Variants in PTPRM observed in about 807,000 individuals in gnomAD.
The protein encoded by PTPRM is receptor-type tyrosine-protein phosphatase mu.
Under a neutral mutation model 186.7 loss-of-function variants are expected in PTPRM, and 47 were observed. The ratio of observed to expected loss-of-function variants is 0.25; its 90% CI spans 0.20 to 0.32. The LOEUF is 0.32. Ranked by LOEUF, PTPRM falls within the 10% of genes least tolerant of loss-of-function variation. PTPRM has a pLI of 1.00. For missense variants in PTPRM, 1,494 were observed against 1,865.0 expected (o/e 0.80, Z 3.66); for synonymous variants, 668 against 674.9 (o/e 0.99, Z 0.16).
chr18:8,092,569 G>T (rs1418982995), intron 11 of PTPRM, among the ~76,000 whole-genome samples: 1 of 152,056 alleles, frequency 6.6e-6, no homozygotes, highest in Non-Finnish European at 1.5e-5. Context: ...GATGCACAGT[G>T]CCCCTGGCAA....
intron 7 of PTPRM, among the ~76,000 whole-genome samples, chr18:8,050,149 G>T (rs2087374633): frequency 6.6e-6 from 1 of 152,224 alleles, no homozygotes; most frequent in Non-Finnish European, 1.5e-5. Flanking sequence ...GGATCAGTCT[G>T]AACAGAGATA....
At chr18:8,368,101 A>G (rs2095643034) in intron 23 of PTPRM, among the ~76,000 whole-genome samples, 1 of 151,774 alleles carries the variant, frequency 6.6e-6, no homozygotes, top group South Asian at 2.1e-4. Flanking sequence ...TATACCATAT[A>G]TGTAGTTTTA....
chr18:8,139,340 T>C, intron 13 of PTPRM, among the ~76,000 whole-genome samples: 1 of 152,224 alleles, frequency 6.6e-6, no homozygotes, highest in Non-Finnish European at 1.5e-5. Flanking sequence ...TCAAGTTTGA[T>C]GGCATCTTGC....
At chr18:8,012,757 A>G (rs1028425063) in intron 7 of PTPRM, among the ~76,000 whole-genome samples, 1 of 152,216 alleles carries the variant, frequency 6.6e-6, no homozygotes, top group Non-Finnish European at 1.5e-5. Flanking sequence ...ACATGTCTGT[A>G]TATTATCTTT....
intron 1 of PTPRM, among the ~76,000 whole-genome samples, chr18:7,627,279 G>A (rs1343880722): frequency 6.6e-6 from 1 of 152,106 alleles, no homozygotes; most frequent in African/African-American, 2.4e-5. Flanking sequence ...TTGGGCCTCC[G>A]GATATGGGCC....
At chr18:7,894,527 A>G (rs1224238603) in intron 3 of PTPRM, among the ~76,000 whole-genome samples, 2 of 152,056 alleles carry the variant, frequency 1.3e-5, no homozygotes, top group African/African-American at 4.8e-5. Flanking sequence ...CAGAGCTTGC[A>G]GTGAGCCGAG....
rs1349129636 is a variant in PTPRM at position 8,128,531 on chromosome 18, T to TG, written c.2167+13704_2167+13705insG. Reference sequence around the variant, plus strand: ...TTCTGCAATACCAGCTGACTGCATTTTAATGGGCTATAGTGTCACTGTTGA... The same window carrying TG: ...TTCTGCAATACCAGCTGACTGCATTTGTAATGGGCTATAGTGTCACTGTTGA... On this transcript the variant is annotated intron_variant, in intron 13 of 32. Coordinates refer to ENST00000580170, the MANE Select transcript of PTPRM (RefSeq NM_001105244.2). Among the ~76,000 whole-genome samples the TG allele has an allele frequency of 3.3e-5, 5 of 152,206 alleles. No individual in the cohort carries two copies. The South Asian group carries it at 1.0e-3, about 31-fold the overall frequency.
chr18:7,781,686 G>A (rs181754519), intron 2 of PTPRM, among the ~76,000 whole-genome samples: 5 of 152,096 alleles, frequency 3.3e-5, no homozygotes, highest in Non-Finnish European at 7.4e-5. Flanking sequence ...TATCTGGATG[G>A]TAGGATTTGA....
intron 7 of PTPRM, among the ~76,000 whole-genome samples, chr18:8,056,970 A>C (rs1485606257): frequency 1.3e-5 from 2 of 152,078 alleles, no homozygotes; most frequent in African/African-American, 4.8e-5. Flanking sequence ...TTCTGCAGTA[A>C]GGGAATGGAT....
At chr18:8,038,694 C>T (rs1421844699) in intron 7 of PTPRM, among the ~76,000 whole-genome samples, 1 of 152,048 alleles carries the variant, frequency 6.6e-6, no homozygotes, top group Non-Finnish European at 1.5e-5. Context: ...GCCTTGCCAG[C>T]TTTTTAGGTT....
chr18:8,038,380 A>AT (rs10708528), intron 7 of PTPRM, among the ~76,000 whole-genome samples: 50,065 of 124,328 alleles, frequency 0.4, 10,608 homozygotes, highest in Non-Finnish European at 0.47. Context: ...TAGCTTTTAG[A>AT]TTTTTTTTTT....
chr18:8,143,442 T>C (rs776352371), intron 13 of PTPRM, among the ~76,000 whole-genome samples: 2 of 152,190 alleles, frequency 1.3e-5, no homozygotes, highest in East Asian at 1.9e-4. Flanking sequence ...AGCTTGTATA[T>C]GGTTTAGTAA....
intron 21 of PTPRM, among the ~76,000 whole-genome samples, chr18:8,317,036 G>A: frequency 6.6e-6 from 1 of 152,158 alleles, no homozygotes; most frequent in East Asian, 1.9e-4. Flanking sequence ...GGCCAGGTCA[G>A]GTCCACAGTT....
rs1163936107 is a variant in PTPRM, at chr18:8,372,197, G to A, written c.3171+1191G>A. ...CGCCATTCTCCTGCCTCAGCCTCCC[G>A]AGTAGCTGGGACTACAGGCGCCCGC... is the stretch of plus-strand genomic sequence containing the variant. On this transcript the variant is annotated intron_variant, in intron 24 of 32. Coordinates refer to ENST00000580170, the MANE Select transcript of PTPRM (RefSeq NM_001105244.2). 8.9e-5 allele frequency among the ~76,000 whole-genome samples: 13 copies of A among 145,364 alleles called. No individual in the cohort carries two copies. In the East Asian group the frequency reaches 1.2e-3, roughly 13 times the overall value.
chr18:8,073,015 CACCAGT>C (rs3080527), intron 8 of PTPRM, among the ~76,000 whole-genome samples: 84,638 of 151,224 alleles, frequency 0.56, 24,019 homozygotes, highest in Non-Finnish European at 0.62. Context: ...ACAGGGTCAC[CACCAGT>C]ACATTCTAAT....
intron 14 of PTPRM, among the ~76,000 whole-genome samples, chr18:8,160,479 G>A (rs953136637): frequency 1.3e-5 from 2 of 152,036 alleles, no homozygotes; most frequent in African/African-American, 4.8e-5. Flanking sequence ...TGTTGTTGTA[G>A]AGACAGGGTG....
intron 1 of PTPRM, among the ~76,000 whole-genome samples, chr18:7,703,813 C>T (rs1027372464): frequency 1.3e-5 from 2 of 152,062 alleles, no homozygotes; most frequent in African/African-American, 4.8e-5. Flanking sequence ...GTGGGTTTGT[C>T]ATAAATAACT....
chr18:8,170,349 G>C (rs191902569), intron 14 of PTPRM, among the ~76,000 whole-genome samples: 1 of 152,096 alleles, frequency 6.6e-6, no homozygotes, highest in African/African-American at 2.4e-5. Flanking sequence ...TGTGCTGGCC[G>C]CACAGTTATA....
chr18:7,797,453 G>A (rs1020668548), intron 2 of PTPRM, among the ~76,000 whole-genome samples: 2 of 152,192 alleles, frequency 1.3e-5, no homozygotes, highest in Non-Finnish European at 2.9e-5. Context: ...TCCACTCAGA[G>A]TAGCCTCATC....
Sources: allele counts gnomAD v4.1 joint callset (sites outside exome capture counted in the v4.1 genomes callset), GRCh38; gene constraint gnomAD v4.1.1; transcripts MANE v1.5; gene names NCBI Gene and HGNC (gene_info 2026-07-23, HGNC 2026-07-21).